Variants in MORC1 observed in about 807,000 individuals in gnomAD.
MORC1 encodes the protein MORC family CW-type zinc finger 1.
Under a neutral mutation model 134.9 loss-of-function variants are expected in MORC1, and 59 were observed. The ratio of observed to expected loss-of-function variants is 0.44; its 90% CI spans 0.35 to 0.54. The LOEUF is 0.54. MORC1 is among the 20% of genes least tolerant of loss of function. MORC1 has a pLI of 0.00. For synonymous variants in MORC1, 395 were observed against 391.7 expected, an observed-to-expected ratio of 1.01 and a Z score of -0.10; for missense variants, 947 against 1,134.5, an observed-to-expected ratio of 0.83 and a Z score of 2.37.
At chr3:109,111,060 A>C (rs1458478370) in intron 2 of MORC1, among the ~76,000 whole-genome samples, 2,687 of 150,892 alleles carry the variant, frequency 0.018, 95 homozygotes, top group African/African-American at 0.051. Flanking sequence ...TAAAAAAAAA[A>C]AAAAAAAACA....
At chr3:109,067,223 T>C (rs1031648580) in intron 9 of MORC1, among the ~76,000 whole-genome samples, 5 of 152,186 alleles carry the variant, frequency 3.3e-5, no homozygotes, top group Non-Finnish European at 7.3e-5. Context: ...GGTTAAGCAA[T>C]GTTAATGAAG....
chr3:109,033,261 G>T (rs1375756648), intron 15 of MORC1, among the ~76,000 whole-genome samples: 3 of 149,238 alleles, frequency 2.0e-5, no homozygotes, highest in Non-Finnish European at 3.0e-5. Context: ...TAAACTGAAA[G>T]AAAGAAAGAA....
At chr3:109,019,021 G>A (rs73202757) in intron 17 of MORC1, 18,091 of 152,222 alleles carry the variant, frequency 0.12, 1,155 homozygotes, top group Non-Finnish European at 0.14. Flanking sequence ...GCTCAGGAGA[G>A]AATGCTGCGC....
At chr3:109,003,060 C>A (rs1948446903) in intron 20 of MORC1, among the ~76,000 whole-genome samples, 1 of 152,054 alleles carries the variant, frequency 6.6e-6, no homozygotes, top group Non-Finnish European at 1.5e-5. Context: ...CCTGTCCTAT[C>A]AGAGTCAAAA....
intron 17 of MORC1, among the ~76,000 whole-genome samples, chr3:109,017,619 T>C (rs542582183): frequency 2.0e-5 from 3 of 152,332 alleles, no homozygotes; most frequent in African/African-American, 7.2e-5. Context: ...TAAAATCACA[T>C]ATGTACTTTT....
intron 1 of MORC1, among the ~76,000 whole-genome samples, chr3:109,115,460 A>AG (rs1309104188): frequency 6.6e-6 from 1 of 151,742 alleles, no homozygotes; most frequent in Non-Finnish European, 1.5e-5. Context: ...TTAAGAAAAA[A>AG]AACTACTAAA....
chr3:108,986,673 A>G (rs1410550563), intron 22 of MORC1, among the ~76,000 whole-genome samples: 3 of 152,126 alleles, frequency 2.0e-5, no homozygotes, highest in Admixed American at 2.0e-4. Context: ...CCTCAGCCAG[A>G]AAGTGTCTCT....
intron 17 of MORC1, among the ~76,000 whole-genome samples, chr3:109,021,516 C>T (rs1367409657): frequency 5.3e-5 from 8 of 152,212 alleles, no homozygotes; most frequent in Non-Finnish European, 1.0e-4. Flanking sequence ...ACTCAAACTC[C>T]TCTTGGCCTT....
At chr3:109,043,006 CATT>C (rs1337732213) in intron 14 of MORC1, among the ~76,000 whole-genome samples, 1 of 151,882 alleles carries the variant, frequency 6.6e-6, no homozygotes, top group Non-Finnish European at 1.5e-5. Context: ...TATTGTACAT[CATT>C]GTGACTATAA....
Position 109,118,074 on chromosome 3 carries a change from C to G in MORC1, c.-15G>C. The G allele has an allele frequency of 6.2e-7, 1 of 1,603,726 alleles. No homozygotes were observed. The highest frequency in any genetic ancestry group is 1.1e-5 in the South Asian group (1 of 89,038). On this transcript the variant is annotated 5_prime_UTR_variant, in exon 1 of 28. Transcript: ENST00000232603. ...CTGTCGTCCATGCCCTCGAACACGA[C>G]CCGCGCAACTCAAGGGGACAAGGAC...
intron 1 of MORC1, among the ~76,000 whole-genome samples, chr3:109,115,206 A>G (rs1458939945): frequency 6.6e-6 from 1 of 152,232 alleles, no homozygotes; most frequent in Admixed American, 6.5e-5. Context: ...TATTTAGTAA[A>G]CAGGTAACAG....
At chr3:108,966,831 T>C (rs139787086) in intron 26 of MORC1, among the ~76,000 whole-genome samples, 140 of 152,100 alleles carry the variant, frequency 9.2e-4, no homozygotes, top group African/African-American at 3.3e-3. Flanking sequence ...TGTAAGTAAG[T>C]TGGAATAACT....
At chr3:109,061,673 A>G (rs572227785) in intron 11 of MORC1, among the ~76,000 whole-genome samples, 1 of 151,984 alleles carries the variant, frequency 6.6e-6, no homozygotes, top group East Asian at 1.9e-4. Flanking sequence ...GCTTTTCATT[A>G]TTTTTTCCCT....
At chr3:109,026,828 C>T (rs552680481) in intron 17 of MORC1, among the ~76,000 whole-genome samples, 2 of 152,274 alleles carry the variant, frequency 1.3e-5, no homozygotes, top group East Asian at 1.9e-4. Flanking sequence ...CAAAGTGACT[C>T]TCAGTATCTT....
At chr3:109,100,329 A>T in intron 5 of MORC1, 88 bp downstream of exon 5, 1 of 1,034,618 alleles carries the variant, frequency 9.7e-7, no homozygotes, top group Non-Finnish European at 1.5e-6. Context: ...TTAAAGCTTT[A>T]CATGCCTGCA....
intron 23 of MORC1, among the ~76,000 whole-genome samples, chr3:108,982,517 G>A (rs1228809091): frequency 7.4e-6 from 1 of 134,298 alleles, no homozygotes; most frequent in Admixed American, 8.0e-5. Flanking sequence ...TCATAGGTGG[G>A]AATCGAACAA....
intron 7 of MORC1, among the ~76,000 whole-genome samples, chr3:109,093,832 G>A (rs1476507159): frequency 1.3e-5 from 2 of 152,050 alleles, no homozygotes; most frequent in African/African-American, 4.8e-5. Context: ...TTCATAATTT[G>A]CATTATGAAA....
In MORC1 at chr3:108,979,581, G is replaced by A; in HGVS notation, c.2411C>T (p.Ser804Phe). 1.2e-6 allele frequency: 2 copies of A among 1,614,184 alleles called. No homozygotes were observed. The highest frequency in any genetic ancestry group is 1.1e-5 in the South Asian group (1 of 91,080). Residue 804 changes from serine (S) to phenylalanine (F), a missense_variant, in exon 24 of 28, where the codon TCT becomes TTT. Physicochemically the swap from Ser to Phe is radical, Grantham distance 155. Around this residue, in one of 3 missense-constraint regions of MORC1, gnomAD observed 722 missense variants for 817.0 expected, o/e 0.88. Transcript: ENST00000232603. ...TGTGCTTTGAGAAGACGCTGGCGAA[G>A]AAGCAACTTTACAACTGCCACTCAC... The part of the protein sequence containing the change: ...VSVSGSCKVA[S>F]SPASSQSTPV...
intron 14 of MORC1, 136 bp downstream of exon 14, chr3:109,054,592 T>C: frequency 1.3e-6 from 1 of 745,190 alleles, no homozygotes; most frequent in Admixed American, 3.3e-5. Context: ...TTCTCACTCC[T>C]GTTTTTAAAG....
Sources: gnomAD v4.1 joint callset for allele counts (sites outside exome capture counted in the v4.1 genomes callset) on GRCh38, gnomAD v4.1.1 for gene constraint, gnomAD v4.1.1 regional missense constraint, MANE v1.5 for transcripts, NCBI Gene and HGNC (gene_info 2026-07-23, HGNC 2026-07-21) for gene names.